PCDH9: variants seen among roughly 807,000 people sequenced by gnomAD.
The protein encoded by PCDH9 is protocadherin-9.
Under a neutral mutation model 70.6 loss-of-function variants are expected in PCDH9, and 24 were observed. The ratio of observed to expected loss-of-function variants is 0.34; its 90% CI spans 0.25 to 0.48. The LOEUF (loss-of-function observed/expected upper bound fraction) is 0.48, where lower values mean the gene tolerates loss of function less well. PCDH9 is among the 20% of genes least tolerant of loss of function. PCDH9 has a pLI of 0.99. For synonymous variants in PCDH9, 562 were observed against 558.5 expected (o/e 1.01, Z -0.09); for missense variants, 1,281 against 1,503.6 (o/e 0.85, Z 2.45).
chr13:66,403,554 T>G (rs545195298), intron 4 of PCDH9, among the ~76,000 whole-genome samples: 5 of 152,110 alleles, frequency 3.3e-5, no homozygotes, highest in Non-Finnish European at 7.4e-5. Flanking sequence ...GTCTTCTATT[T>G]TATTCTTGGG....
intron 3 of PCDH9, among the ~76,000 whole-genome samples, chr13:66,885,127 C>T (rs905112937): frequency 2.0e-5 from 3 of 152,096 alleles, no homozygotes; most frequent in Non-Finnish European, 4.4e-5. Flanking sequence ...CCTGATTAAG[C>T]TCTAATCTTC....
intron 4 of PCDH9, among the ~76,000 whole-genome samples, chr13:66,448,515 TGAG>T: frequency 6.6e-6 from 1 of 152,220 alleles, no homozygotes; most frequent in Non-Finnish European, 1.5e-5. Context: ...GACTGAGTTA[TGAG>T]GACAGGTCAA....
intron 4 of PCDH9, among the ~76,000 whole-genome samples, chr13:66,520,998 T>C (rs973683276): frequency 2.0e-5 from 3 of 152,106 alleles, no homozygotes; most frequent in Non-Finnish European, 4.4e-5. Context: ...TAATGTTTAG[T>C]ATTAAACACT....
chr13:67,214,358 A>G (rs1212093429), intron 2 of PCDH9: 1 of 152,178 alleles, frequency 6.6e-6, no homozygotes, highest in Admixed American at 6.5e-5. Flanking sequence ...TTTCCAGTCT[A>G]TGGAATAATT....
At chr13:66,791,741 A>C (rs888405159) in intron 3 of PCDH9, among the ~76,000 whole-genome samples, 6 of 152,152 alleles carry the variant, frequency 3.9e-5, no homozygotes, top group Admixed American at 6.5e-5. Flanking sequence ...AAAAATCGCA[A>C]TTACTTTTGG....
chr13:66,588,810 G>GACAA (rs2076999095), intron 4 of PCDH9, among the ~76,000 whole-genome samples: 1 of 149,936 alleles, frequency 6.7e-6, no homozygotes, highest in South Asian at 2.1e-4. Flanking sequence ...TTCTAATGCA[G>GACAA]TGTGTTGAAG....
chr13:66,555,125 C>T (rs1040752757), intron 4 of PCDH9, among the ~76,000 whole-genome samples: 2 of 140,456 alleles, frequency 1.4e-5, no homozygotes, highest in African/African-American at 2.5e-5. Context: ...GCCAAGAACA[C>T]GCCATTGCAC....
chr13:66,705,606 T>C (rs1303364252), intron 3 of PCDH9, among the ~76,000 whole-genome samples: 1 of 152,168 alleles, frequency 6.6e-6, no homozygotes, highest in East Asian at 1.9e-4. Context: ...TATCTTAAAA[T>C]TTTTCAAGCA....
intron 2 of PCDH9, among the ~76,000 whole-genome samples, chr13:66,907,849 A>G (rs1298400414): frequency 6.6e-6 from 1 of 152,184 alleles, no homozygotes; most frequent in Non-Finnish European, 1.5e-5. Flanking sequence ...ACTAAAAATC[A>G]ATAGCACTTT....
At chr13:67,152,952 A>G (rs1239502309) in intron 2 of PCDH9, among the ~76,000 whole-genome samples, 2 of 152,016 alleles carry the variant, frequency 1.3e-5, no homozygotes, top group African/African-American at 2.4e-5. Flanking sequence ...GACACTTCCT[A>G]TGTATCCCCC....
At chr13:66,773,114 G>A (rs1426466013) in intron 3 of PCDH9, among the ~76,000 whole-genome samples, 5 of 152,100 alleles carry the variant, frequency 3.3e-5, no homozygotes, top group African/African-American at 1.2e-4. Context: ...TCAGCCAGCC[G>A]GTGTGTCTTT....
intron 4 of PCDH9, among the ~76,000 whole-genome samples, chr13:66,338,197 G>T (rs564327521): frequency 6.6e-6 from 1 of 152,054 alleles, no homozygotes; most frequent in South Asian, 2.1e-4. Flanking sequence ...ACAGAACATA[G>T]GTGTCCAATT....
rs2077571769 is a variant in PCDH9 at position 66,631,561 on chromosome 13, TTAC to T, written c.3139-153_3139-151del. 1.0e-5 allele frequency: 6 copies of T among 590,614 alleles called. No homozygotes were observed. The East Asian group carries it at 1.7e-4, about 16-fold the overall frequency. 36.6% of individuals were successfully genotyped at this position (590,614 alleles called of 1,614,324 possible). On this transcript the variant is annotated intron_variant, in intron 3 of 4. Coordinates refer to ENST00000377865, the MANE Select transcript of PCDH9 (RefSeq NM_203487.3). Reference sequence around the variant, plus strand: ...GAACAAAGCTAAGAACAAGTATTAATTACTTGCCATTTACTATGTAATGGCCAA... The same window carrying T: ...GAACAAAGCTAAGAACAAGTATTAATTTGCCATTTACTATGTAATGGCCAA...
chr13:66,740,787 C>G (rs1410470320), intron 3 of PCDH9, among the ~76,000 whole-genome samples: 4 of 150,404 alleles, frequency 2.7e-5, no homozygotes, highest in Non-Finnish European at 5.9e-5. Context: ...CAAGACTAAA[C>G]CAGGAAGAAG....
intron 3 of PCDH9, among the ~76,000 whole-genome samples, chr13:66,818,655 A>G (rs141893791): frequency 0.021 from 3,162 of 152,294 alleles, 126 homozygotes; most frequent in African/African-American, 0.07. Flanking sequence ...GTGATGGGCC[A>G]GGTGCGGTGG....
intron 4 of PCDH9, among the ~76,000 whole-genome samples, chr13:66,384,258 T>C (rs948884555): frequency 6.6e-6 from 1 of 152,138 alleles, no homozygotes; most frequent in African/African-American, 2.4e-5. Context: ...AATTTGATTA[T>C]AGTTCCAGAG....
chr13:67,087,526 T>C (rs967711398), intron 2 of PCDH9, among the ~76,000 whole-genome samples: 2 of 152,028 alleles, frequency 1.3e-5, no homozygotes, highest in African/African-American at 4.8e-5. Context: ...GTTCTGAGAG[T>C]TAAAAATATT....
intron 3 of PCDH9, among the ~76,000 whole-genome samples, chr13:66,802,110 A>G (rs907726629): frequency 1.3e-5 from 2 of 151,520 alleles, no homozygotes; most frequent in Non-Finnish European, 2.9e-5. Context: ...TGTACATAGA[A>G]TTTATTAATC....
intron 2 of PCDH9, among the ~76,000 whole-genome samples, chr13:66,928,858 GA>G (rs56344128): frequency 0.33 from 49,799 of 150,542 alleles, 8,259 homozygotes; most frequent in Admixed American, 0.37. Flanking sequence ...CATAACGAGG[GA>G]AAAAAAAATG....
Sources: allele counts gnomAD v4.1 joint callset (sites outside exome capture counted in the v4.1 genomes callset), GRCh38; gene constraint gnomAD v4.1.1; transcripts MANE v1.5; gene names NCBI Gene and HGNC (gene_info 2026-07-23, HGNC 2026-07-21).